Variants in TNFRSF11A observed in about 807,000 individuals in gnomAD.
The protein encoded by TNFRSF11A is TNF receptor superfamily member 11a.
In TNFRSF11A, 32 loss-of-function variants were observed where a neutral mutation model predicts 55.7. The observed-to-expected ratio is 0.57, with a 90% CI of 0.43 to 0.77. The LOEUF (loss-of-function observed/expected upper bound fraction) is 0.77. TNFRSF11A is among the 30% of genes least tolerant of loss of function. The pLI, the probability that TNFRSF11A is intolerant of heterozygous loss-of-function variation, is 0.00. For missense variants in TNFRSF11A, 753 were observed against 809.8 expected (o/e 0.93, Z 0.85); for synonymous variants, 311 against 331.0 (o/e 0.94, Z 0.65).
chr18:62,327,628 A>G (rs1244138045), intron 1 of TNFRSF11A, among the ~76,000 whole-genome samples: 4 of 152,206 alleles, frequency 2.6e-5, no homozygotes, highest in African/African-American at 9.6e-5. Context: ...TTGACAGTTC[A>G]TTGAAGATGT....
intron 1 of TNFRSF11A, among the ~76,000 whole-genome samples, chr18:62,331,119 G>A (rs1600345312): frequency 1.3e-5 from 2 of 152,096 alleles, no homozygotes; most frequent in Admixed American, 6.5e-5. Flanking sequence ...CAGGAGAATC[G>A]CTTGTATCCA....
intron 7 of TNFRSF11A, among the ~76,000 whole-genome samples, chr18:62,365,750 G>A (rs1452589363): frequency 6.6e-6 from 1 of 152,156 alleles, no homozygotes. Context: ...CATAGAACAG[G>A]AAGTTCTGTT....
At chr18:62,336,328 A>T (rs1379074445) in intron 1 of TNFRSF11A, 1 of 152,226 alleles carries the variant, frequency 6.6e-6, no homozygotes, top group African/African-American at 2.4e-5. Flanking sequence ...TTCTGCGCAC[A>T]TTGGAGAAGC....
At chr18:62,358,458 C>T (rs1909434980) in intron 5 of TNFRSF11A, 117 bp downstream of exon 5, 1 of 993,792 alleles carries the variant, frequency 1.0e-6, no homozygotes, top group East Asian at 2.4e-5. Context: ...CTCTTGAAGC[C>T]ACGTTCAAAA....
intron 9 of TNFRSF11A, among the ~76,000 whole-genome samples, chr18:62,382,107 CT>C (rs574488222): frequency 3.5e-3 from 311 of 89,444 alleles, no homozygotes; most frequent in South Asian, 0.025. Flanking sequence ...TTCCTGAGTC[CT>C]TTTTTTTTTT....
Position 62,369,333 on chromosome 18 carries a change from C to A in TNFRSF11A, c.1416C>A (p.Cys472Ter). 6.2e-7 allele frequency: 1 copy of A among 1,609,406 alleles called. No individual in the cohort carries two copies. The highest frequency in any genetic ancestry group is 1.1e-5 in the South Asian group (1 of 90,778). ...CAAAACGTGGACCCTTGCCCCAGTG[C>A]GCCTATGGCATGGGCCTTCCCCCTG... The part of the protein sequence containing the change: ...GSPKRGPLPQ[C>*]AYGMGLPPEE... Residue 472 changes from cysteine to a stop codon, truncating the protein, a stop_gained, in exon 9 of 10, where the codon TGC becomes TGA. Transcript: ENST00000586569. LOFTEE classifies it high-confidence loss of function.
chr18:62,386,768 G>A lies in TNFRSF11A; in HGVS notation c.*1734G>A, dbSNP rs1392368617. The A allele has an allele frequency of 2.0e-5, 3 of 152,192 alleles. No homozygotes were observed. The highest frequency in any genetic ancestry group is 4.8e-5 in the African/African-American group (2 of 41,444). 9.4% of individuals were successfully genotyped at this position (152,192 alleles called of 1,614,324 possible). On this transcript the variant is annotated 3_prime_UTR_variant, in exon 10 of 10. Transcript: ENST00000586569. The stretch of plus-strand genomic sequence containing the variant: ...GCGGTCGATTAGGATTTTCAGTGGA[G>A]AAGCACAGGACAGTTCTGTAATTTA...
At chr18:62,360,602 A>G (rs1206457962) in intron 6 of TNFRSF11A, among the ~76,000 whole-genome samples, 1 of 152,118 alleles carries the variant, frequency 6.6e-6, no homozygotes, top group East Asian at 1.9e-4. Flanking sequence ...GCACACCACC[A>G]TGCCCAGCTA....
chr18:62,350,353 C>T (rs1200531057), intron 3 of TNFRSF11A, among the ~76,000 whole-genome samples: 2 of 152,080 alleles, frequency 1.3e-5, no homozygotes, highest in African/African-American at 4.8e-5. Flanking sequence ...AGTGCAGTGG[C>T]GCGATCTCAG....
At position 62,387,182 on chromosome 18, in the gene TNFRSF11A, T is replaced by A. The variant is rs575672083; in HGVS notation, c.*2148T>A. On this transcript the variant is annotated 3_prime_UTR_variant, in exon 10 of 10. Coordinates refer to ENST00000586569, the MANE Select transcript of TNFRSF11A (RefSeq NM_003839.4). ...CCTTAAATCAAAGGTGCTATATACA[T>A]AAGTAAGACTCTACTTTCAGAAAAA... The A allele has an allele frequency of 6.6e-6, 1 of 152,240 alleles. No homozygotes were observed. Among genetic ancestry groups the A allele is most frequent in the Non-Finnish European group, 1.5e-5 (1 of 68,044 alleles). The allele number at this position is 152,240 out of a possible 1,614,324, so 9.4% of individuals were successfully genotyped here. A position where few individuals can be genotyped will look rare whatever the true frequency, so the allele number is the denominator to read the frequency against.
Position 62,387,206 on chromosome 18 carries a change from A to T in TNFRSF11A, c.*2172A>T, listed in dbSNP as rs1452433451. 1 of 152,202 alleles carries T rather than the reference A, an allele frequency of 6.6e-6. No individual in the cohort carries two copies. The highest frequency in any genetic ancestry group is 2.4e-5 in the African/African-American group (1 of 41,442). The allele number at this position is 152,202 out of a possible 1,614,324, so 9.4% of individuals were successfully genotyped here. ...ATAAGTAAGACTCTACTTTCAGAAA[A>T]AGGTAATATTATTTCCTGCACTGAT... On this transcript the variant is annotated 3_prime_UTR_variant, in exon 10 of 10. Transcript: ENST00000586569.
intron 1 of TNFRSF11A, among the ~76,000 whole-genome samples, chr18:62,327,139 G>C (rs4355029): frequency 0.28 from 42,260 of 152,136 alleles, 6,235 homozygotes; most frequent in African/African-American, 0.35. Context: ...GCCCTTCGGA[G>C]AATAGGTGAG....
chr18:62,377,431 T>C (rs1363104760), intron 9 of TNFRSF11A, among the ~76,000 whole-genome samples: 1 of 152,232 alleles, frequency 6.6e-6, no homozygotes, highest in East Asian at 1.9e-4. Context: ...GATCATATGA[T>C]AACTGTATGT....
At chr18:62,341,526 T>C (rs2145266577) in intron 1 of TNFRSF11A, among the ~76,000 whole-genome samples, 1 of 152,354 alleles carries the variant, frequency 6.6e-6, no homozygotes, top group African/African-American at 2.4e-5. Flanking sequence ...CCTCAGGGAA[T>C]GACTGGATGG....
chr18:62,338,021 A>C (rs1337867723), intron 1 of TNFRSF11A, among the ~76,000 whole-genome samples: 1 of 152,228 alleles, frequency 6.6e-6, no homozygotes, highest in Admixed American at 6.5e-5. Flanking sequence ...ACATTTCTTC[A>C]AGGAAGATAC....
intron 3 of TNFRSF11A, among the ~76,000 whole-genome samples, chr18:62,353,250 C>T (rs897466207): frequency 1.3e-5 from 2 of 152,160 alleles, no homozygotes; most frequent in African/African-American, 4.8e-5. Context: ...TTAAAGACAC[C>T]TTATTTGATA....
intron 9 of TNFRSF11A, chr18:62,373,018 A>T (rs1047147929): frequency 6.6e-6 from 1 of 152,258 alleles, no homozygotes; most frequent in African/African-American, 2.4e-5. Flanking sequence ...AAAGGTATCA[A>T]TCATTTGAGA....
intron 1 of TNFRSF11A, among the ~76,000 whole-genome samples, chr18:62,340,282 A>G (rs1251984781): frequency 1.3e-5 from 2 of 151,874 alleles, no homozygotes; most frequent in African/African-American, 2.4e-5. Context: ...GCAGTGGTGC[A>G]ATCACTGCTC....
Position 62,335,385 on chromosome 18 carries a change from C to A in TNFRSF11A, c.75+9958C>A, listed in dbSNP as rs545547176. ...CCTCCCAAAGTGCTGGGATCACAGG[C>A]ATGAGCCACCACGCCTGGTCTGGGA... On this transcript the variant is annotated intron_variant, in intron 1 of 9. Coordinates refer to ENST00000586569, the MANE Select transcript of TNFRSF11A (RefSeq NM_003839.4). Among the ~76,000 whole-genome samples the A allele has an allele frequency of 2.0e-5, 3 of 152,322 alleles. No homozygotes were observed. The East Asian group carries it at 5.8e-4, about 29-fold the overall frequency.
Sources: allele counts gnomAD v4.1 joint callset (sites outside exome capture counted in the v4.1 genomes callset), GRCh38; gene constraint gnomAD v4.1.1; transcripts MANE v1.5; gene names NCBI Gene and HGNC (gene_info 2026-07-23, HGNC 2026-07-21).